The following VPS50 variants were observed in gnomAD, a reference collection of about 807,000 sequenced individuals.
The protein encoded by VPS50 is VPS50 subunit of EARP/GARPII complex.
VPS50 carries 70 observed loss-of-function variants against 139.7 expected under a neutral mutation model. That is an observed-to-expected ratio of 0.50 (90% CI 0.41 to 0.61). The LOEUF is 0.61. Ranked by LOEUF, VPS50 falls within the 20% of genes least tolerant of loss-of-function variation. VPS50 has a pLI of 0.00. For missense variants in VPS50, 921 were observed against 1,133.7 expected, an observed-to-expected ratio of 0.81 and a Z score of 2.69; for synonymous variants, 365 against 376.7, an observed-to-expected ratio of 0.97 and a Z score of 0.36.
In VPS50 at chr7:93,257,391, T is replaced by C. The variant is rs543669383; in HGVS notation, c.352-3T>C. On this transcript the variant is annotated splice_region_variant and splice_polypyrimidine_tract_variant and intron_variant, in intron 5 of 27. Transcript: ENST00000305866. ...CAATAACCTGTACCTAATCTTCCCATAGGAACTTGAAAGAGTTACCTCATT... is the reference window on the plus strand; with the variant it reads ...CAATAACCTGTACCTAATCTTCCCACAGGAACTTGAAAGAGTTACCTCATT... The C allele has an allele frequency of 3.2e-6, 5 of 1,568,116 alleles. No individual in the cohort carries two copies. In the African/African-American group the frequency reaches 5.4e-5, roughly 17 times the overall value.
chr7:93,287,377 T>C (rs935955221), intron 12 of VPS50, among the ~76,000 whole-genome samples: 49 of 151,884 alleles, frequency 3.2e-4, no homozygotes, highest in African/African-American at 1.2e-3. Flanking sequence ...TCCAAACCCA[T>C]TAAATTTCAG....
chr7:93,314,533 G>A (rs902134922), intron 20 of VPS50, among the ~76,000 whole-genome samples: 8 of 152,116 alleles, frequency 5.3e-5, no homozygotes, highest in African/African-American at 1.9e-4. Context: ...CAGTGAAATA[G>A]CCTTGGTATT....
At chr7:93,354,126 T>C (rs1375795183) in intron 26 of VPS50, among the ~76,000 whole-genome samples, 2 of 152,216 alleles carry the variant, frequency 1.3e-5, no homozygotes, top group Non-Finnish European at 2.9e-5. Flanking sequence ...CACAGGATTA[T>C]GTCACCAAAC....
intron 21 of VPS50, among the ~76,000 whole-genome samples, chr7:93,324,521 C>T (rs942774647): frequency 1.2e-4 from 18 of 152,102 alleles, no homozygotes; most frequent in African/African-American, 3.9e-4. Context: ...TTGTCAAAGG[C>T]CTTTTCTGCA....
intron 12 of VPS50, among the ~76,000 whole-genome samples, chr7:93,289,661 CTT>C (rs1361897127): frequency 6.6e-6 from 1 of 151,904 alleles, no homozygotes; most frequent in African/African-American, 2.4e-5. Context: ...ATTTAAATCT[CTT>C]ATTCATTTGG....
At chr7:93,339,112 T>C (rs1214125526) in intron 22 of VPS50, among the ~76,000 whole-genome samples, 1 of 152,152 alleles carries the variant, frequency 6.6e-6, no homozygotes, top group African/African-American at 2.4e-5. Context: ...GTATTTAATT[T>C]TGTGAATTTT....
At chr7:93,347,913 A>G (rs1026219452) in intron 23 of VPS50, among the ~76,000 whole-genome samples, 1 of 151,848 alleles carries the variant, frequency 6.6e-6, no homozygotes, top group East Asian at 1.9e-4. Context: ...CCAGCATGGC[A>G]CATGTATACC....
At chr7:93,356,171 GT>G in intron 27 of VPS50, 91 bp downstream of exon 27, 1 of 625,094 alleles carries the variant, frequency 1.6e-6, no homozygotes, top group Non-Finnish European at 2.6e-6. Flanking sequence ...AATCATGAGA[GT>G]GAAATATAAA....
Position 93,349,969 on chromosome 7 carries a change from A to G in VPS50, c.2399A>G (p.Asn800Ser). Residue 800 changes from asparagine to serine, a missense_variant, in exon 25 of 28, where the codon AAT (asparagine) becomes AGT (serine). Coordinates refer to ENST00000305866, the MANE Select transcript of VPS50 (RefSeq NM_017667.4). Reference sequence around the variant, plus strand: ...GAACAGATGCTGCTTCTCATGGCTAATGTGAAATGGGATGTAAAAGAAATT... The same window carrying G: ...GAACAGATGCTGCTTCTCATGGCTAGTGTGAAATGGGATGTAAAAGAAATT... ...DYEQMLLLMA[N>S]VKWDVKEIMS... is the part of the protein sequence containing the mutation. The G allele has an allele frequency of 6.2e-7, 1 of 1,612,790 alleles. No individual in the cohort carries two copies. The highest frequency in any genetic ancestry group is 8.5e-7 in the Non-Finnish European group (1 of 1,178,884).
At chr7:93,338,749 A>T (rs1798133463) in intron 22 of VPS50, among the ~76,000 whole-genome samples, 1 of 152,132 alleles carries the variant, frequency 6.6e-6, no homozygotes, top group Non-Finnish European at 1.5e-5. Context: ...AAAACCAGGG[A>T]GTGTTATGAT....
chr7:93,254,271 A>G (rs772072751), intron 4 of VPS50, among the ~76,000 whole-genome samples: 7 of 152,110 alleles, frequency 4.6e-5, no homozygotes, highest in Non-Finnish European at 7.4e-5. Flanking sequence ...GTAACTGAGT[A>G]TTCCTTTTTG....
intron 1 of VPS50, among the ~76,000 whole-genome samples, chr7:93,234,789 T>C (rs1025739884): frequency 6.6e-6 from 1 of 152,210 alleles, no homozygotes; most frequent in Non-Finnish European, 1.5e-5. Flanking sequence ...GGATCTTTGT[T>C]TGCAAAATAA....
At chr7:93,306,029 G>A (rs773690715) in intron 18 of VPS50, 25 bp downstream of exon 18, 1 of 1,574,594 alleles carries the variant, frequency 6.4e-7, no homozygotes, top group Non-Finnish European at 8.7e-7. Flanking sequence ...TGAAACATAA[G>A]TGAGTTTTTT....
At chr7:93,279,696 G>A (rs746348049) in intron 12 of VPS50, among the ~76,000 whole-genome samples, 14 of 152,208 alleles carry the variant, frequency 9.2e-5, no homozygotes, top group Admixed American at 7.2e-4. Context: ...GACATGAAAT[G>A]AGAAGAAAGA....
intron 26 of VPS50, among the ~76,000 whole-genome samples, chr7:93,354,068 A>G (rs1798630231): frequency 6.6e-6 from 1 of 152,116 alleles, no homozygotes; most frequent in Non-Finnish European, 1.5e-5. Flanking sequence ...TGTTATACCT[A>G]ACCTTTTTTG....
chr7:93,265,700 G>A (rs1795821051), intron 9 of VPS50, among the ~76,000 whole-genome samples: 1 of 152,006 alleles, frequency 6.6e-6, no homozygotes, highest in Admixed American at 6.6e-5. Flanking sequence ...GAGTAGCTGG[G>A]ACTACAGGCA....
intron 21 of VPS50, among the ~76,000 whole-genome samples, chr7:93,324,838 G>T: frequency 6.6e-6 from 1 of 152,182 alleles, no homozygotes; most frequent in East Asian, 1.9e-4. Flanking sequence ...TGGGTAGGAA[G>T]AATCAATATC....
At chr7:93,236,937 CTTTTTTTTTTTTTTTTTTTTT>C (rs71107889) in intron 1 of VPS50, among the ~76,000 whole-genome samples, 3 of 31,030 alleles carry the variant, frequency 9.7e-5, no homozygotes, top group South Asian at 2.7e-3. Context: ...TCTTTTACTT[CTTTTTTTTTTTTTTTTTTTTT>C]TTTTTTTTTT....
intron 21 of VPS50, among the ~76,000 whole-genome samples, chr7:93,327,063 T>C (rs1797803187): frequency 6.6e-6 from 1 of 152,230 alleles, no homozygotes; most frequent in African/African-American, 2.4e-5. Context: ...TTGTAGAGTT[T>C]TAGCTAATTG....
Sources: allele counts gnomAD v4.1 joint callset (sites outside exome capture counted in the v4.1 genomes callset), GRCh38; gene constraint gnomAD v4.1.1; transcripts MANE v1.5; gene names NCBI Gene and HGNC (gene_info 2026-07-23, HGNC 2026-07-21).